RAB38: variants seen among roughly 807,000 people sequenced by gnomAD.
RAB38 encodes the protein RAB38, member RAS oncogene family.
A neutral mutation model predicts 18.4 loss-of-function variants in RAB38; 15 were observed. The ratio of observed to expected loss-of-function variants is 0.82; its 90% CI spans 0.55 to 1.26. The LOEUF is 1.26. Ranked by LOEUF, RAB38 falls within the 50% of genes most tolerant of loss-of-function variation. The pLI is 0.00. For missense variants in RAB38, 294 were observed against 267.4 expected, an observed-to-expected ratio of 1.10 and a Z score of -0.69; for synonymous variants, 101 against 104.4, an observed-to-expected ratio of 0.97 and a Z score of 0.20.
chr11:87,912,618 T>A, the RAB38 span, among the ~76,000 whole-genome samples: 18 of 151,858 alleles, frequency 1.2e-4, no homozygotes, highest in Non-Finnish European at 2.1e-4. Context: ...TCCTGCTAGA[T>A]GTTTGTCAGA....
chr11:88,093,770 C>T, the RAB38 span, among the ~76,000 whole-genome samples: 1 of 151,920 alleles, frequency 6.6e-6, no homozygotes, highest in East Asian at 1.9e-4. Flanking sequence ...TCAGCCCCAG[C>T]ATCACTGACA....
chr11:88,170,440 C>T (rs137874482), intron 1 of RAB38, among the ~76,000 whole-genome samples: 6 of 152,288 alleles, frequency 3.9e-5, no homozygotes, highest in East Asian at 1.9e-4. Context: ...TTTCAGAAAT[C>T]GGTACTAAAG....
At chr11:87,809,008 T>C in the RAB38 span, among the ~76,000 whole-genome samples, 1 of 152,030 alleles carries the variant, frequency 6.6e-6, no homozygotes, top group Non-Finnish European at 1.5e-5. Flanking sequence ...GAATTGGAAT[T>C]GCCAAAAGTC....
At chr11:87,818,384 G>T in the RAB38 span, among the ~76,000 whole-genome samples, 1 of 152,074 alleles carries the variant, frequency 6.6e-6, no homozygotes, top group Non-Finnish European at 1.5e-5. Context: ...TGTGCAATAG[G>T]TCATTTAATT....
chr11:87,851,337 G>A, the RAB38 span, among the ~76,000 whole-genome samples: 1 of 152,114 alleles, frequency 6.6e-6, no homozygotes, highest in Non-Finnish European at 1.5e-5. Context: ...AAAATGGATT[G>A]AACTGATTTC....
chr11:88,013,183 A>G, the RAB38 span, among the ~76,000 whole-genome samples: 3,154 of 150,152 alleles, frequency 0.021, 115 homozygotes, highest in African/African-American at 0.072. Flanking sequence ...TGAAACTTTA[A>G]TAGTTATCTA....
chr11:87,930,847 G>A, the RAB38 span, among the ~76,000 whole-genome samples: 3 of 98,502 alleles, frequency 3.0e-5, no homozygotes, highest in African/African-American at 1.5e-4. Context: ...TCTTGTTTTT[G>A]TCAGGTTTGT....
At chr11:88,056,885 G>T in the RAB38 span, among the ~76,000 whole-genome samples, 1 of 151,928 alleles carries the variant, frequency 6.6e-6, no homozygotes, top group Non-Finnish European at 1.5e-5. Flanking sequence ...AGGACTTAGG[G>T]GATATAGAAA....
At chr11:87,962,811 T>A in the RAB38 span, among the ~76,000 whole-genome samples, 1,955 of 152,240 alleles carry the variant, frequency 0.013, 41 homozygotes, top group African/African-American at 0.045. Context: ...TTTTAGATGT[T>A]TTCACCATAA....
chr11:88,095,615 C>T, the RAB38 span, among the ~76,000 whole-genome samples: 1 of 151,904 alleles, frequency 6.6e-6, no homozygotes, highest in African/African-American at 2.4e-5. Flanking sequence ...TCTGCATTAT[C>T]CATAACTTTA....
the RAB38 span, among the ~76,000 whole-genome samples, chr11:87,976,140 G>GTA: frequency 1.4e-5 from 2 of 144,630 alleles, no homozygotes; most frequent in African/African-American, 5.0e-5. Flanking sequence ...GTGTGTGTGT[G>GTA]TATATATACA....
the RAB38 span, among the ~76,000 whole-genome samples, chr11:87,925,935 G>A: frequency 1.3e-5 from 2 of 151,840 alleles, no homozygotes; most frequent in South Asian, 2.1e-4. Context: ...GCCACGCTAC[G>A]ATCAGGAAGT....
the RAB38 span, among the ~76,000 whole-genome samples, chr11:87,898,882 T>C: frequency 4.0e-5 from 6 of 151,602 alleles, no homozygotes; most frequent in Non-Finnish European, 7.4e-5. Flanking sequence ...TTCCCCCATG[T>C]AGGAAGGACC....
At chr11:87,939,175 T>A in the RAB38 span, among the ~76,000 whole-genome samples, 4,632 of 152,232 alleles carry the variant, frequency 0.03, 146 homozygotes, top group East Asian at 0.16. Context: ...TGCTAGTTTT[T>A]AATTAGATAT....
the RAB38 span, among the ~76,000 whole-genome samples, chr11:88,051,013 T>G: frequency 6.6e-6 from 1 of 152,222 alleles, no homozygotes; most frequent in South Asian, 2.1e-4. Flanking sequence ...AGTGCAGAGC[T>G]GGATCCTGTC....
At chr11:88,022,621 A>AAC in the RAB38 span, among the ~76,000 whole-genome samples, 2 of 149,554 alleles carry the variant, frequency 1.3e-5, no homozygotes, top group African/African-American at 2.5e-5. Flanking sequence ...CAAAAAAAAA[A>AAC]AAAAAAAAAA....
chr11:87,879,407 G>A, the RAB38 span: 87 of 151,366 alleles, frequency 5.7e-4, no homozygotes, highest in African/African-American at 2.1e-3. Flanking sequence ...TAAGTGAGAA[G>A]ACTTTTTTTT....
chr11:88,056,595 G>C, the RAB38 span, among the ~76,000 whole-genome samples: 293 of 152,196 alleles, frequency 1.9e-3, 1 homozygote, highest in African/African-American at 6.5e-3. Flanking sequence ...ACGAGGTCAG[G>C]AGTTTGAGAC....
the RAB38 span, among the ~76,000 whole-genome samples, chr11:87,912,679 T>C: frequency 6.6e-6 from 1 of 151,534 alleles, no homozygotes; most frequent in Non-Finnish European, 1.5e-5. Flanking sequence ...ATTTTCTCTA[T>C]TGCTTTGTTT....
Sources: gnomAD v4.1 joint callset for allele counts (sites outside exome capture counted in the v4.1 genomes callset) on GRCh38, gnomAD v4.1.1 for gene constraint, MANE v1.5 for transcripts, NCBI Gene and HGNC (gene_info 2026-07-23, HGNC 2026-07-21) for gene names.